The following MAP3K20 variants were observed in gnomAD, a reference collection of about 807,000 sequenced individuals.
MAP3K20 encodes the protein HCCS-4.
Under a neutral mutation model 85.7 loss-of-function variants are expected in MAP3K20, and 40 were observed. The observed-to-expected ratio is 0.47, with a 90% CI of 0.36 to 0.61. The LOEUF (loss-of-function observed/expected upper bound fraction) is 0.61. MAP3K20 is among the 20% of genes least tolerant of loss of function. The pLI, the probability that MAP3K20 is intolerant of heterozygous loss-of-function variation, is 0.00. For missense variants in MAP3K20, 817 were observed against 961.7 expected (o/e 0.85, Z 1.99); for synonymous variants, 325 against 327.7 (o/e 0.99, Z 0.09).
chr2:173,111,777 G>T (rs890212243), intron 2 of MAP3K20, among the ~76,000 whole-genome samples: 1 of 152,146 alleles, frequency 6.6e-6, no homozygotes, highest in African/African-American at 2.4e-5. Context: ...TGTTCCATTG[G>T]TCTATGTGCC....
chr2:173,140,598 C>A (rs2106212935), intron 2 of MAP3K20, among the ~76,000 whole-genome samples: 1 of 152,292 alleles, frequency 6.6e-6, no homozygotes, highest in African/African-American at 2.4e-5. Context: ...GATCCACCCG[C>A]TTTGGCCTCC....
chr2:173,229,265 C>T (rs1684462186), intron 11 of MAP3K20, among the ~76,000 whole-genome samples: 1 of 152,184 alleles, frequency 6.6e-6, no homozygotes, highest in Admixed American at 6.5e-5. Flanking sequence ...CTTAGAAATT[C>T]CCCCTTGAGA....
intron 15 of MAP3K20, among the ~76,000 whole-genome samples, 175 bp from the exon 16 acceptor site, chr2:173,239,229 T>TA (rs1684723637): frequency 6.6e-6 from 1 of 151,924 alleles, no homozygotes; most frequent in African/African-American, 2.4e-5. Flanking sequence ...CTGAAAGGCA[T>TA]AATATGTCAT....
chr2:173,169,728 ATGAG>A, intron 2 of MAP3K20, 73 bp from the exon 3 acceptor site: 1 of 1,441,844 alleles, frequency 6.9e-7, no homozygotes, highest in Non-Finnish European at 9.6e-7. Context: ...TCAAAAAAAA[ATGAG>A]TAGGAAGCCT....
At chr2:173,230,743 C>T (rs914042289) in intron 12 of MAP3K20, among the ~76,000 whole-genome samples, 1 of 152,190 alleles carries the variant, frequency 6.6e-6, no homozygotes, top group African/African-American at 2.4e-5. Flanking sequence ...GGCCTGTAAT[C>T]CCAGCACTTT....
At chr2:173,114,087 A>C (rs1013457439) in intron 2 of MAP3K20, among the ~76,000 whole-genome samples, 16 of 152,112 alleles carry the variant, frequency 1.1e-4, no homozygotes, top group Non-Finnish European at 2.1e-4. Context: ...AGGTGCATAT[A>C]TGTTTAGAAT....
intron 16 of MAP3K20, among the ~76,000 whole-genome samples, chr2:173,256,980 C>A (rs1685176430): frequency 6.6e-6 from 1 of 151,986 alleles, no homozygotes; most frequent in African/African-American, 2.4e-5. Flanking sequence ...CACAGTGAAA[C>A]CCTAGCTCTA....
chr2:173,179,055 T>C (rs867003797), intron 3 of MAP3K20, among the ~76,000 whole-genome samples: 1 of 152,178 alleles, frequency 6.6e-6, no homozygotes, highest in Non-Finnish European at 1.5e-5. Context: ...TATATGATCA[T>C]TTCAAGATTC....
At chr2:173,237,249 G>A (rs1268547481) in intron 14 of MAP3K20, among the ~76,000 whole-genome samples, 4 of 151,842 alleles carry the variant, frequency 2.6e-5, no homozygotes, top group Non-Finnish European at 5.9e-5. Context: ...GGCTGGTCTC[G>A]AACTTCTGAC....
chr2:173,167,415 CACTT>C lies in MAP3K20; in HGVS notation c.160-2384_160-2381del, dbSNP rs899563178. Among the ~76,000 whole-genome samples, 29 of 152,212 alleles carry C rather than the reference CACTT, an allele frequency of 1.9e-4. No individual in the cohort carries two copies. The East Asian group carries it at 2.1e-3, about 11-fold the overall frequency. On this transcript the variant is annotated intron_variant, in intron 2 of 19. Transcript: ENST00000375213. ...TGACCTTCATTTATTACAAACATAT[CACTT>C]ACTTATTCAGTCTGCCTCTGTTTAC...
intron 2 of MAP3K20, among the ~76,000 whole-genome samples, chr2:173,135,935 T>C (rs1688787374): frequency 6.6e-6 from 1 of 152,258 alleles, no homozygotes; most frequent in South Asian, 2.1e-4. Flanking sequence ...TATAGATTAT[T>C]AGACTTGCTT....
At chr2:173,150,922 A>G (rs972045952) in intron 2 of MAP3K20, among the ~76,000 whole-genome samples, 3 of 152,220 alleles carry the variant, frequency 2.0e-5, no homozygotes, top group Non-Finnish European at 2.9e-5. Context: ...GAGGAAAACC[A>G]TGCGCCTAGC....
intron 11 of MAP3K20, among the ~76,000 whole-genome samples, chr2:173,229,418 T>G (rs1425560362): frequency 6.6e-6 from 1 of 152,172 alleles, no homozygotes; most frequent in Non-Finnish European, 1.5e-5. Flanking sequence ...TGCTGAGGCT[T>G]GATTGTGGGA....
At chr2:173,236,289 A>T (rs1684646354) in intron 14 of MAP3K20, among the ~76,000 whole-genome samples, 1 of 150,454 alleles carries the variant, frequency 6.6e-6, no homozygotes, top group Non-Finnish European at 1.5e-5. Context: ...AAAAAAAAAA[A>T]AAGGCAGGGA....
In MAP3K20 at chr2:173,232,414, G is replaced by C; in HGVS notation, c.1158G>C (p.Leu386=). ...KRLLLLEEED[L]KDMGIVSKGH... ...TGCTGCTGCTGGAGGAAGAAGACCT[G>C]AAAGACATGGGCATTGTCTCCAAGG... The change falls in exon 14 of 20, where the codon CTG becomes CTC. Residue 386 remains leucine (L), a synonymous_variant. Transcript: ENST00000375213. 1 of 1,614,236 alleles carries C rather than the reference G, an allele frequency of 6.2e-7. No individual in the cohort carries two copies. The highest frequency in any genetic ancestry group is 8.5e-7 in the Non-Finnish European group (1 of 1,180,042).
chr2:173,123,813 G>A (rs892734379), intron 2 of MAP3K20, among the ~76,000 whole-genome samples: 6 of 151,944 alleles, frequency 3.9e-5, no homozygotes, highest in Admixed American at 6.6e-5. Flanking sequence ...GTAGCTCTAT[G>A]ACTACAGGAA....
chr2:173,098,598 A>G (rs529650904), intron 2 of MAP3K20, among the ~76,000 whole-genome samples: 1 of 152,304 alleles, frequency 6.6e-6, no homozygotes, highest in African/African-American at 2.4e-5. Context: ...AAATCCAAAT[A>G]CTTCTGGTCC....
Position 173,184,059 on chromosome 2 carries a change from T to C in MAP3K20, c.349+1104T>C, listed in dbSNP as rs563864077. ...GTGTTTAGGGTGGTGTACCTGAGACTTTATGTTAATTTGCTTAATTGTGTA... is the reference window on the plus strand; with the variant it reads ...GTGTTTAGGGTGGTGTACCTGAGACCTTATGTTAATTTGCTTAATTGTGTA... On this transcript the variant is annotated intron_variant, in intron 4 of 19. Coordinates refer to ENST00000375213, the MANE Select transcript of MAP3K20 (RefSeq NM_016653.3). Among the ~76,000 whole-genome samples the C allele has an allele frequency of 1.4e-4, 21 of 152,328 alleles. No homozygotes were observed. The South Asian group carries it at 4.1e-3, about 30-fold the overall frequency.
intron 11 of MAP3K20, among the ~76,000 whole-genome samples, chr2:173,229,085 C>A (rs781039937): frequency 6.6e-5 from 10 of 152,340 alleles, no homozygotes; most frequent in Non-Finnish European, 1.5e-4. Context: ...CCTCTGGAGG[C>A]ATCTTCATTT....
Sources: allele counts gnomAD v4.1 joint callset (sites outside exome capture counted in the v4.1 genomes callset), GRCh38; gene constraint gnomAD v4.1.1; transcripts MANE v1.5; gene names NCBI Gene and HGNC (gene_info 2026-07-23, HGNC 2026-07-21).